SNN: variants seen among roughly 807,000 people sequenced by gnomAD.
SNN encodes stannin.
SNN carries 5 observed loss-of-function variants against 5.3 expected under a neutral mutation model. The ratio of observed to expected loss-of-function variants is 0.94; its 90% CI spans 0.49 to 1.97. The LOEUF (loss-of-function observed/expected upper bound fraction) is 1.97. SNN is among the 30% of genes most tolerant of loss of function. The probability of loss-of-function intolerance (pLI) is 0.01; values close to 1 mark genes in which losing one functional copy is unlikely to be tolerated. For missense variants in SNN, 127 were observed against 121.6 expected, an observed-to-expected ratio of 1.04 and a Z score of -0.21; for synonymous variants, 67 against 52.1, an observed-to-expected ratio of 1.29 and a Z score of -1.24.
Position 11,675,930 on chromosome 16 carries a change from C to T in SNN, c.-85-45C>T, listed in dbSNP as rs755341238. The T allele has an allele frequency of 6.6e-5, 62 of 945,412 alleles. No individual in the cohort carries two copies. The South Asian group carries it at 7.7e-4, about 12-fold the overall frequency. 58.6% of individuals were successfully genotyped at this position (945,412 alleles called of 1,614,324 possible). On this transcript the variant is annotated intron_variant, in intron 1 of 1. Transcript: ENST00000329565. ...TCTGAGAACGATTAAAAATAGACCC[C>T]GTGGAAGTGCTAACCGCAGCTCGTC...
Position 11,668,677 on chromosome 16 carries a change from CGGCCCGGCG to C in SNN, c.-86+141_-86+149del, listed in dbSNP as rs1387601061. 29 of 143,526 alleles carry C rather than the reference CGGCCCGGCG, an allele frequency of 2.0e-4. No homozygotes were observed. The highest frequency in any genetic ancestry group is 1.0e-3 in the Admixed American group (15 of 14,530). 8.9% of individuals were successfully genotyped at this position (143,526 alleles called of 1,614,324 possible). On this transcript the variant is annotated intron_variant, in intron 1 of 1. Coordinates refer to ENST00000329565, the MANE Select transcript of SNN (RefSeq NM_003498.6). This position sits in a 1 kb window ranked among gnomAD's most constrained non-coding sequence, Gnocchi z 6.8. ...CCGGGGTCTGCGGGCGGGGGAGGGGCGGCCCGGCGGGCGCGGCTCGGGGGAGGGTCCGTT... is the reference window on the plus strand; with the variant it reads ...CCGGGGTCTGCGGGCGGGGGAGGGGCGGCGCGGCTCGGGGGAGGGTCCGTT...
chr16:11,674,838 C>T (rs1257806765), intron 1 of SNN, among the ~76,000 whole-genome samples: 1 of 152,210 alleles, frequency 6.6e-6, no homozygotes, highest in Non-Finnish European at 1.5e-5. Context: ...CACCTGGTTG[C>T]TGTGTTCCTG....
At position 11,676,400 on chromosome 16, in the gene SNN, C is replaced by T. The variant is rs191196179; in HGVS notation, c.*74C>T. On this transcript the variant is annotated 3_prime_UTR_variant, in exon 2 of 2. Coordinates refer to ENST00000329565, the MANE Select transcript of SNN (RefSeq NM_003498.6). The stretch of plus-strand genomic sequence containing the variant: ...TGGGAGGGGCAAAACCATACGGATG[C>T]GCTGCTGTCTGAGAGGAAGGGCTGA... The T allele has an allele frequency of 4.6e-5, 69 of 1,495,306 alleles. 1 individual carries two copies. The highest frequency in any genetic ancestry group is 5.5e-5 in the African/African-American group (4 of 72,142). 92.6% of individuals were successfully genotyped at this position (1,495,306 alleles called of 1,614,324 possible). A position where few individuals can be genotyped will look rare whatever the true frequency, so the allele number is the denominator to read the frequency against.
rs150423687 is a variant in SNN at position 11,673,891 on chromosome 16, C to T, written c.-85-2084C>T. On this transcript the variant is annotated intron_variant, in intron 1 of 1. Transcript: ENST00000329565. ...GCAGGGAGATCCTTAGCGCCTGCGG[C>T]AGCCTGTCTCCTGGAGTCAGGGGGA... Among the ~76,000 whole-genome samples, 614 of 152,346 alleles carry T rather than the reference C, an allele frequency of 4.0e-3. 2 individuals are homozygous for T. The highest frequency in any genetic ancestry group is 0.014 in the African/African-American group (588 of 41,582).
chr16:11,670,683 G>T (rs1228169380), intron 1 of SNN, among the ~76,000 whole-genome samples: 1 of 152,242 alleles, frequency 6.6e-6, no homozygotes, highest in South Asian at 2.1e-4. Context: ...CAGCTTGCTT[G>T]GCTGGGCGGA....
chr16:11,672,885 G>T lies in SNN; in HGVS notation c.-85-3090G>T, dbSNP rs558551643. On this transcript the variant is annotated intron_variant, in intron 1 of 1. Coordinates refer to ENST00000329565, the MANE Select transcript of SNN (RefSeq NM_003498.6). This position sits in a 1 kb window ranked among gnomAD's most constrained non-coding sequence, Gnocchi z 6.0. ...GGGCCCTTGAACTCAGGTGCCTCCT[G>T]GCCTGCCCACCTGGCTTTGCCCCGC... Among the ~76,000 whole-genome samples, 1 of 152,292 alleles carries T rather than the reference G, an allele frequency of 6.6e-6. No homozygotes were observed. Among genetic ancestry groups the T allele is most frequent in the South Asian group, 2.1e-4 (1 of 4,826 alleles).
chr16:11,669,665 G>A (rs780723138), intron 1 of SNN, among the ~76,000 whole-genome samples: 3 of 152,208 alleles, frequency 2.0e-5, no homozygotes, highest in Non-Finnish European at 4.4e-5. Context: ...ACTTTCTCCG[G>A]CATCTACAAG....
rs2050310485 is a variant in SNN at position 11,677,138 on chromosome 16, C to CG, written c.*813dup. On this transcript the variant is annotated 3_prime_UTR_variant, in exon 2 of 2. Transcript: ENST00000329565. The surrounding 1 kb of genome is among the most constrained non-coding windows in gnomAD (Gnocchi z 4.2). The stretch of plus-strand genomic sequence containing the variant: ...TTTCTTGCCGCTTGGGTCTTCAGCA[C>CG]GCCAAGCCCCCCACCAACCCTCCAC... The CG allele has an allele frequency of 6.0e-6, 1 of 167,130 alleles. No homozygotes were observed. Among genetic ancestry groups the CG allele is most frequent in the Non-Finnish European group, 1.5e-5 (1 of 68,170 alleles). 10.4% of individuals were successfully genotyped at this position (167,130 alleles called of 1,614,324 possible).
rs2141934928 is a variant in SNN, at chr16:11,668,497, G to C, written c.-129G>C. The C allele has an allele frequency of 6.8e-6, 1 of 146,038 alleles. No homozygotes were observed. Among genetic ancestry groups the C allele is most frequent in the South Asian group, 2.1e-4 (1 of 4,874 alleles). 9.0% of individuals were successfully genotyped at this position (146,038 alleles called of 1,614,324 possible). On this transcript the variant is annotated 5_prime_UTR_variant, in exon 1 of 2. Coordinates refer to ENST00000329565, the MANE Select transcript of SNN (RefSeq NM_003498.6). The surrounding 1 kb of genome is among the most constrained non-coding windows in gnomAD (Gnocchi z 6.8). ...ACCGGGCGGGCGGAGCCGGGCCCGC[G>C]GGGCTGCTGCGGGGCGATCGGGCCG...
intron 1 of SNN, among the ~76,000 whole-genome samples, chr16:11,670,482 C>T (rs1392563501): frequency 5.9e-5 from 9 of 152,202 alleles, no homozygotes; most frequent in East Asian, 1.9e-4. Context: ...GGGGATCCCT[C>T]GGGCTCAGTG....
In SNN at chr16:11,676,269, GT is replaced by G. The variant is rs1567280570; in HGVS notation, c.211del (p.Cys71AlafsTer8). ...LLVQYSAKGP[C>X]VERKAKLMTP... ...TGGTGCAGTATTCGGCCAAGGGACC[GT>G]GCGTGGAGAGAAAGGCCAAGCTGAT... On this transcript the variant is annotated frameshift_variant, in exon 2 of 2. Transcript: ENST00000329565. LOFTEE classifies it high-confidence loss of function. 1 of 1,614,222 alleles carries G rather than the reference GT, an allele frequency of 6.2e-7. No homozygotes were observed. Among genetic ancestry groups the G allele is most frequent in the Admixed American group, 1.7e-5 (1 of 60,026 alleles).
chr16:11,676,514 G>A lies in SNN; in HGVS notation c.*188G>A. 1 of 698,638 alleles carries A rather than the reference G, an allele frequency of 1.4e-6. No individual in the cohort carries two copies. The highest frequency in any genetic ancestry group is 2.4e-6 in the Non-Finnish European group (1 of 415,998). The allele number at this position is 698,638 out of a possible 1,614,324, so 43.3% of individuals were successfully genotyped here. A position where few individuals can be genotyped will look rare whatever the true frequency, so the allele number is the denominator to read the frequency against. Reference sequence around the variant, plus strand: ...GTCCTGGGCTTCCCCTCGGCCTCCAGGTGAGGCTGCCCATTGCAGGCACTG... The same window carrying A: ...GTCCTGGGCTTCCCCTCGGCCTCCAAGTGAGGCTGCCCATTGCAGGCACTG... On this transcript the variant is annotated 3_prime_UTR_variant, in exon 2 of 2. Transcript: ENST00000329565.
In SNN at chr16:11,676,646, C is replaced by G. The variant is rs1222742022; in HGVS notation, c.*320C>G. The G allele has an allele frequency of 2.9e-6, 1 of 346,648 alleles. No individual in the cohort carries two copies. The highest frequency in any genetic ancestry group is 5.6e-6 in the Non-Finnish European group (1 of 177,230). The allele number at this position is 346,648 out of a possible 1,614,324, so 21.5% of individuals were successfully genotyped here. A position where few individuals can be genotyped will look rare whatever the true frequency, so the allele number is the denominator to read the frequency against. ...GCTACTACTGTAATGCGTGAACTAA[C>G]AAACCTGTGAACTGTAAATAGGCCC... On this transcript the variant is annotated 3_prime_UTR_variant, in exon 2 of 2. Coordinates refer to ENST00000329565, the MANE Select transcript of SNN (RefSeq NM_003498.6).
rs2050315610 is a variant in SNN at position 11,677,602 on chromosome 16, G to A, written c.*1276G>A. The A allele has an allele frequency of 6.3e-6, 1 of 157,824 alleles. No individual in the cohort carries two copies. Among genetic ancestry groups the A allele is most frequent in the Non-Finnish European group, 1.5e-5 (1 of 68,096 alleles). 9.8% of individuals were successfully genotyped at this position (157,824 alleles called of 1,614,324 possible). On this transcript the variant is annotated 3_prime_UTR_variant, in exon 2 of 2. Transcript: ENST00000329565. This position sits in a 1 kb window ranked among gnomAD's most constrained non-coding sequence, Gnocchi z 4.2. ...AGGACTTGACTCTCCCACAGGTGGTGAGCTGGTGGCTCTCTGGTGAGCTAG... is the reference window on the plus strand; with the variant it reads ...AGGACTTGACTCTCCCACAGGTGGTAAGCTGGTGGCTCTCTGGTGAGCTAG...
At chr16:11,675,247 CTTTT>C (rs71136677) in intron 1 of SNN, among the ~76,000 whole-genome samples, 4 of 136,790 alleles carry the variant, frequency 2.9e-5, no homozygotes, top group African/African-American at 5.3e-5. Context: ...ATTTCTTTTT[CTTTT>C]TTTTTTCTTT....
chr16:11,674,326 G>C (rs933463418), intron 1 of SNN, among the ~76,000 whole-genome samples: 1 of 152,212 alleles, frequency 6.6e-6, no homozygotes, highest in African/African-American at 2.4e-5. Flanking sequence ...TGGCGAGCGA[G>C]GCAGGAGAGG....
intron 1 of SNN, among the ~76,000 whole-genome samples, chr16:11,675,626 CCT>C (rs1403906017): frequency 1.3e-5 from 2 of 152,210 alleles, no homozygotes; most frequent in African/African-American, 4.8e-5. Flanking sequence ...GCCCTCAGTC[CCT>C]GAGTGGTCAT....
At chr16:11,669,038 C>T (rs1304356515) in intron 1 of SNN, among the ~76,000 whole-genome samples, 8 of 152,150 alleles carry the variant, frequency 5.3e-5, no homozygotes, top group Admixed American at 2.0e-4. Flanking sequence ...GTGGGCATGC[C>T]TAGCTCCCCT....
rs1296258599 is a variant in SNN, at chr16:11,677,351, T to A, written c.*1025T>A. 1 of 167,316 alleles carries A rather than the reference T, an allele frequency of 6.0e-6. No individual in the cohort carries two copies. The highest frequency in any genetic ancestry group is 1.5e-5 in the Non-Finnish European group (1 of 68,274). The allele number at this position is 167,316 out of a possible 1,614,324, so 10.4% of individuals were successfully genotyped here. ...TCTTTTTTCTTCTTTTCCTCTTCCC[T>A]CTTCACATCACTTGGCTTCCTTTCC... On this transcript the variant is annotated 3_prime_UTR_variant, in exon 2 of 2. Coordinates refer to ENST00000329565, the MANE Select transcript of SNN (RefSeq NM_003498.6). The surrounding 1 kb of genome is among the most constrained non-coding windows in gnomAD (Gnocchi z 4.2).
Sources: gnomAD v4.1 joint callset for allele counts (sites outside exome capture counted in the v4.1 genomes callset) on GRCh38, gnomAD v4.1.1 for gene constraint, Gnocchi (gnomAD v3.1) non-coding constraint, MANE v1.5 for transcripts, NCBI Gene and HGNC (gene_info 2026-07-23, HGNC 2026-07-21) for gene names.